Variants in FOXK1 observed in about 807,000 individuals in gnomAD.
FOXK1 encodes forkhead box K1.
A neutral mutation model predicts 51.9 loss-of-function variants in FOXK1; 19 were observed. That is an observed-to-expected ratio of 0.37 (90% CI 0.26 to 0.54). FOXK1 has a LOEUF of 0.54. Ranked by LOEUF, FOXK1 falls within the 20% of genes least tolerant of loss-of-function variation. The pLI, the probability that FOXK1 is intolerant of heterozygous loss-of-function variation, is 0.87. For synonymous variants in FOXK1, 537 were observed against 482.6 expected, an observed-to-expected ratio of 1.11 and a Z score of -1.48; for missense variants, 870 against 1,032.7, an observed-to-expected ratio of 0.84 and a Z score of 2.16.
intron 1 of FOXK1, among the ~76,000 whole-genome samples, chr7:4,738,565 TAAG>T (rs1314200467): frequency 1.3e-5 from 2 of 152,138 alleles, no homozygotes; most frequent in African/African-American, 2.4e-5. Flanking sequence ...CAATGTGACT[TAAG>T]AGGACAGAAT....
rs1206998172 is a variant in FOXK1 at position 4,731,229 on chromosome 7, C to A, written c.561-9609C>A. Among the ~76,000 whole-genome samples, 2 of 152,196 alleles carry A rather than the reference C, an allele frequency of 1.3e-5. No homozygotes were observed. The highest frequency in any genetic ancestry group is 2.9e-5 in the Non-Finnish European group (2 of 68,024). ...CAAGTCAAGCTCTGCTGTTCCCCGG[C>A]CTTCCCTTGAGACTCTTGGGGGCCT... On this transcript the variant is annotated intron_variant, in intron 1 of 8. Transcript: ENST00000328914. The surrounding 1 kb of genome is among the most constrained non-coding windows in gnomAD (Gnocchi z 5.3).
At position 4,730,513 on chromosome 7, in the gene FOXK1, G is replaced by A. The variant is rs1286933588; in HGVS notation, c.561-10325G>A. Among the ~76,000 whole-genome samples, 2 of 152,254 alleles carry A rather than the reference G, an allele frequency of 1.3e-5. No homozygotes were observed. The highest frequency in any genetic ancestry group is 2.4e-5 in the African/African-American group (1 of 41,468). ...GTTTGCAGGCACCAGTGCTGGTTCC[G>A]TGTCTGTCGGGGAGGGGATGGACGT... On this transcript the variant is annotated intron_variant, in intron 1 of 8. Transcript: ENST00000328914. This position sits in a 1 kb window ranked among gnomAD's most constrained non-coding sequence, Gnocchi z 4.7.
In FOXK1 at chr7:4,761,195, G is replaced by A. The variant is rs771784174; in HGVS notation, c.1828G>A (p.Val610Met). 4.8e-5 allele frequency: 78 copies of A among 1,612,902 alleles called. 1 individual carries two copies. The highest frequency in any genetic ancestry group is 1.2e-4 in the African/African-American group (9 of 74,942). The change falls in exon 8 of 9, where the codon GTG becomes ATG. Residue 610 changes from valine (V) to methionine (M), a missense_variant. Physicochemically the swap from Val to Met is conservative, Grantham distance 21 (BLOSUM62 1). Around this residue, in one of 3 missense-constraint regions of FOXK1, gnomAD observed 457 missense variants for 510.8 expected, o/e 0.89. Transcript: ENST00000328914. The surrounding 1 kb of genome is among the most constrained non-coding windows in gnomAD (Gnocchi z 6.2). The stretch of plus-strand genomic sequence containing the variant: ...CACCATCCTGCAGCCCGCCACACCC[G>A]TGACCCTCGGGCAGCACCACCTTCC... ...TVTILQPATP[V>M]TLGQHHLPVR...
At position 4,764,145 on chromosome 7, in the gene FOXK1, C is replaced by T. The variant is rs1562394246; in HGVS notation, c.*1681C>T. 1 of 152,796 alleles carries T rather than the reference C, an allele frequency of 6.5e-6. No homozygotes were observed. The highest frequency in any genetic ancestry group is 6.5e-5 in the Admixed American group (1 of 15,294). 9.5% of individuals were successfully genotyped at this position (152,796 alleles called of 1,614,324 possible). On this transcript the variant is annotated 3_prime_UTR_variant, in exon 9 of 9. Coordinates refer to ENST00000328914, the MANE Select transcript of FOXK1 (RefSeq NM_001037165.2). ...TTTTCAAAGTGATTCCGAGGCAGTG[C>T]GGGAGGACACACGTGCTGTGCAGTG... is the stretch of plus-strand genomic sequence containing the variant.
At chr7:4,710,103 T>A (rs1431824724) in intron 1 of FOXK1, among the ~76,000 whole-genome samples, 1 of 152,244 alleles carries the variant, frequency 6.6e-6, no homozygotes, top group African/African-American at 2.4e-5. Flanking sequence ...GGTTTCCTCA[T>A]CTGAATGAGA....
intron 1 of FOXK1, among the ~76,000 whole-genome samples, chr7:4,695,936 CAAAA>C (rs72005510): frequency 8.6e-6 from 1 of 116,826 alleles, no homozygotes; most frequent in Non-Finnish European, 1.8e-5. Flanking sequence ...AACTCCGTCT[CAAAA>C]AAAAAAAAAA....
At chr7:4,726,572 A>C (rs1780383420) in intron 1 of FOXK1, among the ~76,000 whole-genome samples, 1 of 152,018 alleles carries the variant, frequency 6.6e-6, no homozygotes, top group South Asian at 2.1e-4. Context: ...CAGTGAGCCA[A>C]GATTGTGACA....
In FOXK1 at chr7:4,759,608, C is replaced by A; in HGVS notation, c.1696+13C>A. The A allele has an allele frequency of 6.5e-7, 1 of 1,530,672 alleles. No homozygotes were observed. The highest frequency in any genetic ancestry group is 8.7e-7 in the Non-Finnish European group (1 of 1,143,334). 94.8% of individuals were successfully genotyped at this position (1,530,672 alleles called of 1,614,324 possible). ...AGCGAGGCCAGAGGTAATGCAGCCG[C>A]GGCTGGCAGCCTTCGCAGGACCCTT... On this transcript the variant is annotated intron_variant, in intron 7 of 8. Coordinates refer to ENST00000328914, the MANE Select transcript of FOXK1 (RefSeq NM_001037165.2).
intron 1 of FOXK1, among the ~76,000 whole-genome samples, chr7:4,685,382 T>C (rs1002387612): frequency 6.6e-6 from 1 of 151,858 alleles, no homozygotes; most frequent in Non-Finnish European, 1.5e-5. Flanking sequence ...GCCCAGCTAA[T>C]TCTTTGTATT....
In FOXK1 at chr7:4,762,483, G is replaced by C; in HGVS notation, c.*19G>C. ...GGAGTGAGGTCACCTGCAACGCGGG[G>C]GAGTGGGACTCACCCAGCGGCGACC... On this transcript the variant is annotated 3_prime_UTR_variant, in exon 9 of 9. Coordinates refer to ENST00000328914, the MANE Select transcript of FOXK1 (RefSeq NM_001037165.2). The surrounding 1 kb of genome is among the most constrained non-coding windows in gnomAD (Gnocchi z 5.7). 6.5e-7 allele frequency: 1 copy of C among 1,532,062 alleles called. No homozygotes were observed. The highest frequency in any genetic ancestry group is 2.5e-5 in the East Asian group (1 of 40,422). 94.9% of individuals were successfully genotyped at this position (1,532,062 alleles called of 1,614,324 possible).
chr7:4,742,150 G>A (rs903954211), intron 2 of FOXK1, among the ~76,000 whole-genome samples: 1 of 152,256 alleles, frequency 6.6e-6, no homozygotes, highest in Non-Finnish European at 1.5e-5. Flanking sequence ...ACCAGCAAAG[G>A]TCACCCCAGT....
At chr7:4,737,767 C>T (rs929717873) in intron 1 of FOXK1, among the ~76,000 whole-genome samples, 1 of 152,170 alleles carries the variant, frequency 6.6e-6, no homozygotes, top group Non-Finnish European at 1.5e-5. Flanking sequence ...CTCTGGGACC[C>T]ACAAAAGCTA....
intron 1 of FOXK1, among the ~76,000 whole-genome samples, chr7:4,736,683 G>A (rs1048300616): frequency 6.6e-5 from 10 of 152,110 alleles, no homozygotes; most frequent in Non-Finnish European, 1.3e-4. Flanking sequence ...CAGAGTGCTC[G>A]GATTACAAGC....
chr7:4,750,422 C>T (rs1033847240), intron 2 of FOXK1, among the ~76,000 whole-genome samples: 2 of 151,504 alleles, frequency 1.3e-5, no homozygotes, highest in Admixed American at 6.6e-5. Context: ...AATGTGTGCA[C>T]GTGTATGCCG....
chr7:4,769,785 T>G lies in FOXK1; in HGVS notation c.*7321T>G, dbSNP rs1368831323. ...CTTACCCAGTTTTTGTTTTTTGTTG[T>G]TTTGTTTTGTTTTAGCGTGATACTA... On this transcript the variant is annotated 3_prime_UTR_variant, in exon 9 of 9. Coordinates refer to ENST00000328914, the MANE Select transcript of FOXK1 (RefSeq NM_001037165.2). The surrounding 1 kb of genome is among the most constrained non-coding windows in gnomAD (Gnocchi z 4.1). 2.6e-5 allele frequency: 4 copies of G among 152,156 alleles called. No homozygotes were observed. Among genetic ancestry groups the G allele is most frequent in the African/African-American group, 9.7e-5 (4 of 41,430 alleles). The allele number at this position is 152,156 out of a possible 1,614,324, so 9.4% of individuals were successfully genotyped here.
chr7:4,757,077 T>C lies in FOXK1; in HGVS notation c.1134T>C (p.Phe378=). 2 of 1,613,938 alleles carry C rather than the reference T, an allele frequency of 1.2e-6. No individual in the cohort carries two copies. Among genetic ancestry groups the C allele is most frequent in the East Asian group, 2.2e-5 (1 of 44,844 alleles). Residue 378 remains phenylalanine, a synonymous_variant, in exon 5 of 9, where the codon TTT becomes TTC. Transcript: ENST00000328914. ...RSQEEPGKGS[F]WRIDPASEAK... The stretch of plus-strand genomic sequence containing the variant: ...AGGAGGAGCCTGGGAAGGGGTCCTT[T>C]TGGCGAATAGACCCTGCCTCTGAAG...
intron 2 of FOXK1, among the ~76,000 whole-genome samples, chr7:4,751,402 G>A (rs1009594943): frequency 6.6e-6 from 1 of 152,140 alleles, no homozygotes; most frequent in Non-Finnish European, 1.5e-5. Flanking sequence ...CATCAGACAT[G>A]GGATGTCTTG....
Position 4,731,427 on chromosome 7 carries a change from C to T in FOXK1, c.561-9411C>T, listed in dbSNP as rs1389164219. Among the ~76,000 whole-genome samples, 2 of 152,226 alleles carry T rather than the reference C, an allele frequency of 1.3e-5. No homozygotes were observed. Among genetic ancestry groups the T allele is most frequent in the African/African-American group, 4.8e-5 (2 of 41,460 alleles). ...CCTCCCATTCTTGAGTCTTTCATTT[C>T]TTCAAGGACATGGTAGCAACATTTA... On this transcript the variant is annotated intron_variant, in intron 1 of 8. Transcript: ENST00000328914. This position sits in a 1 kb window ranked among gnomAD's most constrained non-coding sequence, Gnocchi z 5.3.
At chr7:4,699,039 C>T (rs905334563) in intron 1 of FOXK1, among the ~76,000 whole-genome samples, 3 of 152,220 alleles carry the variant, frequency 2.0e-5, no homozygotes, top group Non-Finnish European at 2.9e-5. Context: ...AGTGCTTTGT[C>T]GCTTGCTGGG....
Sources: allele counts gnomAD v4.1 joint callset (sites outside exome capture counted in the v4.1 genomes callset), GRCh38; gene constraint gnomAD v4.1.1; regional missense constraint gnomAD v4.1.1; non-coding constraint Gnocchi (gnomAD v3.1); transcripts MANE v1.5; gene names NCBI Gene and HGNC (gene_info 2026-07-23, HGNC 2026-07-21).